Variants in CATSPERE observed in about 807,000 individuals in gnomAD.
CATSPERE encodes catsper channel auxiliary subunit epsilon, also known as cation channel sperm-associated auxiliary subunit epsilon.
A neutral mutation model predicts 114.1 loss-of-function variants in CATSPERE; 93 were observed. The ratio of observed to expected loss-of-function variants is 0.81; its 90% CI spans 0.69 to 0.97. CATSPERE has a LOEUF of 0.97. CATSPERE is among the 50% of genes least tolerant of loss of function. The pLI, the probability that CATSPERE is intolerant of heterozygous loss-of-function variation, is 0.00. For missense variants in CATSPERE, 1,058 were observed against 1,131.6 expected, an observed-to-expected ratio of 0.93 and a Z score of 0.93; for synonymous variants, 341 against 384.1, an observed-to-expected ratio of 0.89 and a Z score of 1.31.
At chr1:244,616,321 T>A (rs971482686) in intron 19 of CATSPERE, among the ~76,000 whole-genome samples, 1 of 152,242 alleles carries the variant, frequency 6.6e-6, no homozygotes, top group Non-Finnish European at 1.5e-5. Flanking sequence ...AAGAGCTGAT[T>A]GATTGCAAAG....
In CATSPERE at chr1:244,595,920, G is replaced by A. The variant is rs1326772717; in HGVS notation, c.2303+2342G>A. Among the ~76,000 whole-genome samples, 5 of 152,062 alleles carry A rather than the reference G, an allele frequency of 3.3e-5. No homozygotes were observed. The South Asian group carries it at 6.2e-4, about 19-fold the overall frequency. ...TGCACTCTAGCCTGGGCGACAGAGC[G>A]AGACTCCGTCTCAAAAAAGAAAAAA... On this transcript the variant is annotated intron_variant, in intron 17 of 21. Transcript: ENST00000366534.
At chr1:244,610,608 T>A in intron 19 of CATSPERE, 1 of 482,642 alleles carries the variant, frequency 2.1e-6, no homozygotes. Flanking sequence ...CAAGAGTGAG[T>A]CTTTGTAAAG....
At chr1:244,459,170 C>T (rs1023854878), upstream of CATSPERE, among the ~76,000 whole-genome samples, 1 of 151,806 alleles carries the variant, frequency 6.6e-6, no homozygotes, top group African/African-American at 2.4e-5. Context: ...CCTCCGCCTC[C>T]CAGGTTCAAA....
chr1:244,498,657 G>A (rs1019735240), intron 6 of CATSPERE, among the ~76,000 whole-genome samples: 2 of 152,180 alleles, frequency 1.3e-5, no homozygotes, highest in African/African-American at 4.8e-5. Context: ...CAGCACTTTG[G>A]GAGGCCAAGG....
At chr1:244,503,399 T>C (rs1227269972) in intron 7 of CATSPERE, among the ~76,000 whole-genome samples, 1 of 152,190 alleles carries the variant, frequency 6.6e-6, no homozygotes, top group Non-Finnish European at 1.5e-5. Flanking sequence ...CTCCCTTTCC[T>C]CTGGGATTCC....
In CATSPERE at chr1:244,590,384, T is replaced by A. The variant is rs1218916835; in HGVS notation, c.2139-1297T>A. On this transcript the variant is annotated intron_variant, in intron 14 of 21. Transcript: ENST00000366534. ...TCATTTTGATAGATTTTCTATGAGT[T>A]TTTTTGTGTGTGCATGTGTGTTTTA... is the stretch of plus-strand genomic sequence containing the variant. 2.0e-5 allele frequency among the ~76,000 whole-genome samples: 3 copies of A among 152,344 alleles called. No homozygotes were observed. In the East Asian group the frequency reaches 5.8e-4, roughly 29 times the overall value.
intron 5 of CATSPERE, among the ~76,000 whole-genome samples, chr1:244,487,248 A>G: frequency 6.6e-6 from 1 of 152,010 alleles, no homozygotes; most frequent in East Asian, 1.9e-4. Flanking sequence ...TGGGTGGTTC[A>G]GCATGTGGAA....
upstream of CATSPERE, among the ~76,000 whole-genome samples, chr1:244,456,715 A>G (rs1666194211): frequency 6.6e-6 from 1 of 152,202 alleles, no homozygotes; most frequent in Admixed American, 6.5e-5. Flanking sequence ...TAGGCTATAG[A>G]TAAGGCCTGG....
chr1:244,521,505 A>G (rs1440835902), intron 8 of CATSPERE, among the ~76,000 whole-genome samples: 1 of 152,170 alleles, frequency 6.6e-6, no homozygotes, highest in African/African-American at 2.4e-5. Flanking sequence ...GTAAAATTAG[A>G]TGATCATCTC....
At chr1:244,547,556 AAGAGT>A (rs141041890) in intron 8 of CATSPERE, among the ~76,000 whole-genome samples, 18,666 of 152,106 alleles carry the variant, frequency 0.12, 1,917 homozygotes, top group African/African-American at 0.28. Context: ...AATTGTGAGG[AAGAGT>A]AGAGTAAAAT....
chr1:244,472,907 CT>C (rs1668722858), intron 2 of CATSPERE, among the ~76,000 whole-genome samples: 1 of 152,212 alleles, frequency 6.6e-6, no homozygotes, highest in East Asian at 1.9e-4. Context: ...GCTTCTTTCA[CT>C]TAACAATACA....
intron 9 of CATSPERE, among the ~76,000 whole-genome samples, chr1:244,553,644 C>CAT (rs1553356117): frequency 1.4e-5 from 2 of 142,218 alleles, no homozygotes; most frequent in Non-Finnish European, 1.5e-5. Flanking sequence ...CACACACACA[C>CAT]ATACATATAT....
At chr1:244,576,631 A>G (rs1262856120) in intron 11 of CATSPERE, among the ~76,000 whole-genome samples, 1 of 151,952 alleles carries the variant, frequency 6.6e-6, no homozygotes, top group Non-Finnish European at 1.5e-5. Flanking sequence ...TACTGTGTAT[A>G]TTATTTTGTA....
Position 244,635,542 on chromosome 1 carries a change from G to C in CATSPERE, c.2702G>C (p.Ser901Thr). ...FAIETFGLIP[S>T]PSVYLVASFL... Reference sequence around the variant, plus strand: ...ATAGAGACATTTGGACTGATTCCCAGGTAAGGAGCAGGGCCTAACTGGACT... The same window carrying C: ...ATAGAGACATTTGGACTGATTCCCACGTAAGGAGCAGGGCCTAACTGGACT... Residue 901 changes from serine (S) to threonine (T), a missense_variant and splice_region_variant, in exon 21 of 22, where the codon AGT (serine) becomes ACT (threonine). By Grantham distance (58) the Ser-to-Thr change is moderately conservative (BLOSUM62 1). This residue lies in a region of CATSPERE where 787 missense variants were observed against 905.6 expected (regional missense o/e 0.87). Transcript: ENST00000366534. The C allele has an allele frequency of 6.2e-7, 1 of 1,611,656 alleles. No individual in the cohort carries two copies. Among genetic ancestry groups the C allele is most frequent in the Non-Finnish European group, 8.5e-7 (1 of 1,178,020 alleles).
intron 8 of CATSPERE, among the ~76,000 whole-genome samples, chr1:244,532,083 A>G (rs1326523847): frequency 6.6e-6 from 1 of 152,126 alleles, no homozygotes; most frequent in Non-Finnish European, 1.5e-5. Context: ...GAATGTATCC[A>G]TTTCTTCTAG....
At chr1:244,591,075 A>G (rs1667665873) in intron 14 of CATSPERE, among the ~76,000 whole-genome samples, 2 of 152,190 alleles carry the variant, frequency 1.3e-5, no homozygotes, top group South Asian at 4.1e-4. Flanking sequence ...ATGGGTCCCA[A>G]TTTCTCTGCT....
intron 7 of CATSPERE, among the ~76,000 whole-genome samples, chr1:244,499,561 T>C (rs1168905617): frequency 2.0e-5 from 3 of 148,660 alleles, no homozygotes; most frequent in Non-Finnish European, 4.5e-5. Context: ...TTCTCATTGT[T>C]CAACTCCCAA....
At position 244,612,333 on chromosome 1, in the gene CATSPERE, C is replaced by T. The variant is rs80267715; in HGVS notation, c.2490+2007C>T. On this transcript the variant is annotated intron_variant, in intron 19 of 21. Transcript: ENST00000366534. The stretch of plus-strand genomic sequence containing the variant: ...ACCTGAAATGAAATAGAAAGCCTTC[C>T]AGTTCTTGGAGCTACACTAATTGCT... Among the ~76,000 whole-genome samples, 1,171 of 152,156 alleles carry T rather than the reference C, an allele frequency of 7.7e-3. 7 individuals are homozygous for T. The highest frequency in any genetic ancestry group is 0.013 in the South Asian group (64 of 4,810).
intron 8 of CATSPERE, among the ~76,000 whole-genome samples, chr1:244,550,308 A>G (rs1660406531): frequency 6.6e-6 from 1 of 152,244 alleles, no homozygotes; most frequent in African/African-American, 2.4e-5. Context: ...AACACTTACT[A>G]ATATGAATAG....
Sources: allele counts gnomAD v4.1 joint callset (sites outside exome capture counted in the v4.1 genomes callset), GRCh38; gene constraint gnomAD v4.1.1; regional missense constraint gnomAD v4.1.1; transcripts MANE v1.5; gene names NCBI Gene and HGNC (gene_info 2026-07-23, HGNC 2026-07-21).